The following TERB1 variants were observed in gnomAD, a reference collection of about 807,000 sequenced individuals.
The protein encoded by TERB1 is telomere repeats-binding bouquet formation protein 1.
Under a neutral mutation model 92.3 loss-of-function variants are expected in TERB1, and 63 were observed. That is an observed-to-expected ratio of 0.68 (90% CI 0.56 to 0.84). TERB1 has a LOEUF of 0.84. TERB1 is among the 40% of genes least tolerant of loss of function. TERB1 has a pLI of 0.00. For missense variants in TERB1, 709 were observed against 843.7 expected (o/e 0.84, Z 1.98); for synonymous variants, 252 against 283.9 (o/e 0.89, Z 1.13).
rs765374656 is a variant in TERB1, at chr16:66,769,959, A to C, written c.1619+4T>G. 1.4e-5 allele frequency: 21 copies of C among 1,533,708 alleles called. No homozygotes were observed. The highest frequency in any genetic ancestry group is 1.9e-5 in the Non-Finnish European group (21 of 1,131,452). ...AAAAGTTACACACAATTATTAAACT[A>C]TACCTTGATTGAGAAACAAAATTCT... On this transcript the variant is annotated splice_donor_region_variant and intron_variant, in intron 14 of 18. Transcript: ENST00000433154.
At chr16:66,771,873 A>C (rs1346780820) in intron 13 of TERB1, among the ~76,000 whole-genome samples, 2 of 152,220 alleles carry the variant, frequency 1.3e-5, no homozygotes, top group African/African-American at 2.4e-5. Flanking sequence ...TTTTTAACAC[A>C]TATGCATATA....
intron 2 of TERB1, among the ~76,000 whole-genome samples, chr16:66,799,322 G>A (rs1250945838): frequency 6.6e-6 from 1 of 152,050 alleles, no homozygotes; most frequent in Non-Finnish European, 1.5e-5. Context: ...CCACCTCCCG[G>A]GTTCAAGCAA....
intron 14 of TERB1, 50 bp from the exon 15 acceptor site, chr16:66,768,218 G>A: frequency 7.5e-7 from 1 of 1,341,340 alleles, no homozygotes; most frequent in Non-Finnish European, 1.0e-6. Flanking sequence ...ACTGTTTGGT[G>A]TGCGGACCAA....
chr16:66,792,843 T>C (rs1470693319), intron 3 of TERB1, among the ~76,000 whole-genome samples: 11 of 152,208 alleles, frequency 7.2e-5, no homozygotes, highest in Admixed American at 1.3e-4. Flanking sequence ...CATCTAAACA[T>C]AGAAAAGCTA....
chr16:66,765,108 C>T (rs147827035), intron 16 of TERB1, among the ~76,000 whole-genome samples: 1 of 152,322 alleles, frequency 6.6e-6, no homozygotes, highest in Non-Finnish European at 1.5e-5. Context: ...GAGTTCTATT[C>T]ATCTTCGATT....
chr16:66,801,827 A>T (rs902823413), upstream of TERB1, among the ~76,000 whole-genome samples: 1 of 152,226 alleles, frequency 6.6e-6, no homozygotes, highest in Non-Finnish European at 1.5e-5. Context: ...AAATTAGGGG[A>T]CTGTGCACGC....
chr16:66,771,328 T>G (rs988609183), intron 13 of TERB1, among the ~76,000 whole-genome samples: 15 of 152,318 alleles, frequency 9.8e-5, no homozygotes, highest in South Asian at 2.1e-4. Context: ...TCTTAAACAT[T>G]GCTAGTGGGA....
At chr16:66,801,655 C>A (rs943585660), upstream of TERB1, 1 of 152,238 alleles carries the variant, frequency 6.6e-6, no homozygotes, top group African/African-American at 2.4e-5. Flanking sequence ...GCCCCGCCGC[C>A]CCTGCAAGGT....
At chr16:66,775,364 T>G in intron 11 of TERB1, 121 bp from the exon 12 acceptor site, 1 of 856,856 alleles carries the variant, frequency 1.2e-6, no homozygotes, top group African/African-American at 1.7e-5. Flanking sequence ...CCAGGAACGG[T>G]GGCTCACTCT....
At chr16:66,795,229 C>CAA (rs1180547823) in intron 3 of TERB1, among the ~76,000 whole-genome samples, 1 of 152,114 alleles carries the variant, frequency 6.6e-6, no homozygotes, top group Admixed American at 6.6e-5. Flanking sequence ...GGTCATTAGG[C>CAA]AAATGCAAAT....
chr16:66,800,788 CCCAGAAAACGCACTGTGGGTA>C (rs1230527594), intron 2 of TERB1, among the ~76,000 whole-genome samples, 168 bp downstream of exon 2: 1 of 152,124 alleles, frequency 6.6e-6, no homozygotes, highest in Non-Finnish European at 1.5e-5. Context: ...TCATTCAGGT[CCCAGAAAACGCACTGTGGGTA>C]CCAGAAGTCA....
chr16:66,757,137 T>C (rs979555183), intron 18 of TERB1, among the ~76,000 whole-genome samples: 1 of 152,158 alleles, frequency 6.6e-6, no homozygotes, highest in Non-Finnish European at 1.5e-5. Context: ...GGCCGGCTTG[T>C]GAAAGAGATG....
At chr16:66,796,597 T>C (rs2018932906) in intron 3 of TERB1, among the ~76,000 whole-genome samples, 171 bp downstream of exon 3, 1 of 152,226 alleles carries the variant, frequency 6.6e-6, no homozygotes, top group Non-Finnish European at 1.5e-5. Flanking sequence ...CTTTTCCCAT[T>C]AGAATGTCAG....
chr16:66,771,638 T>TACACACACAC (rs57620654), intron 13 of TERB1, among the ~76,000 whole-genome samples: 12 of 142,986 alleles, frequency 8.4e-5, no homozygotes, highest in African/African-American at 2.3e-4. Flanking sequence ...TGTTACAGAA[T>TACACACACAC]ACACACACAC....
At chr16:66,788,918 C>T (rs1231535109) in intron 5 of TERB1, among the ~76,000 whole-genome samples, 1 of 148,710 alleles carries the variant, frequency 6.7e-6, no homozygotes, top group East Asian at 2.0e-4. Context: ...ATCATGTTCT[C>T]ACTTATTTGT....
At chr16:66,783,893 G>A (rs372225110) in intron 9 of TERB1, among the ~76,000 whole-genome samples, 63 of 152,284 alleles carry the variant, frequency 4.1e-4, no homozygotes, top group African/African-American at 1.4e-3. Flanking sequence ...ACCGTGCCCA[G>A]CTTGTGTTAA....
Position 66,775,146 on chromosome 16 carries a change from T to C in TERB1, c.1083A>G (p.Thr361=), listed in dbSNP as rs2018523775. Reference sequence around the variant, plus strand: ...TTTTTTTGCAGTTGTGAAGCACAAATGTGGCAGCTTTGTTCAGTTCCTCAT... The same window carrying C: ...TTTTTTTGCAGTTGTGAAGCACAAACGTGGCAGCTTTGTTCAGTTCCTCAT... ...SQNEELNKAA[T]FVLHNCKKIT... is the part of the protein sequence containing the mutation. Residue 361 remains threonine, a synonymous_variant, in exon 12 of 19, where the codon ACA becomes ACG. Coordinates refer to ENST00000433154, the MANE Select transcript of TERB1 (RefSeq NM_001136505.2). 4 of 1,551,522 alleles carry C rather than the reference T, an allele frequency of 2.6e-6. No individual in the cohort carries two copies. The highest frequency in any genetic ancestry group is 3.5e-6 in the Non-Finnish European group (4 of 1,146,970).
At chr16:66,762,903 G>C (rs1375313752) in intron 16 of TERB1, among the ~76,000 whole-genome samples, 12 of 150,864 alleles carry the variant, frequency 8.0e-5, no homozygotes. Context: ...AGCTGTTCTC[G>C]AATTCCTGGG....
At chr16:66,788,951 T>G (rs1289220240) in intron 5 of TERB1, among the ~76,000 whole-genome samples, 1 of 143,210 alleles carries the variant, frequency 7.0e-6, no homozygotes, top group Non-Finnish European at 1.5e-5. Context: ...TCAAAACAAT[T>G]GAACTCATGG....
Sources: gnomAD v4.1 joint callset for allele counts (sites outside exome capture counted in the v4.1 genomes callset) on GRCh38, gnomAD v4.1.1 for gene constraint, MANE v1.5 for transcripts, NCBI Gene and HGNC (gene_info 2026-07-23, HGNC 2026-07-21) for gene names.